C11orf71: variants seen among roughly 807,000 people sequenced by gnomAD.
C11orf71 encodes the protein chromosome 11 open reading frame 71.
For synonymous variants in C11orf71, 72 were observed against 73.4 expected, an observed-to-expected ratio of 0.98 and a Z score of 0.09; for missense variants, 179 against 167.6, an observed-to-expected ratio of 1.07 and a Z score of -0.38.
At chr11:114,394,211 T>C (rs558157156), downstream of C11orf71, among the ~76,000 whole-genome samples, 1 of 58,566 alleles carries the variant, frequency 1.7e-5, no homozygotes, top group African/African-American at 1.1e-4. Flanking sequence ...TTCTTTTCTT[T>C]TCTTTTCTTT....
rs1388863241 is a variant in C11orf71 at position 114,399,634 on chromosome 11, A to C, written c.*326T>G. On this transcript the variant is annotated 3_prime_UTR_variant, in exon 1 of 1. Coordinates refer to ENST00000623205, the MANE Select transcript of C11orf71 (RefSeq NM_001271562.2). ...AAAGGAGCACTTCTTTTTCGCCAAC[A>C]GAAGTAAAGGTAAAGGTTAAGTGTC... 1 of 244,782 alleles carries C rather than the reference A, an allele frequency of 4.1e-6. No individual in the cohort carries two copies. Among genetic ancestry groups the C allele is most frequent in the Non-Finnish European group, 7.9e-6 (1 of 126,390 alleles). 15.2% of individuals were successfully genotyped at this position (244,782 alleles called of 1,614,324 possible).
exon 2 of C11orf71, chr11:114,391,517 C>T: frequency 8.8e-7 from 1 of 1,130,534 alleles, no homozygotes; most frequent in Non-Finnish European, 1.2e-6. Flanking sequence ...AATTTCATAT[C>T]CAATTTTTAT....
downstream of C11orf71, among the ~76,000 whole-genome samples, chr11:114,394,246 TCTTTTCTTTTCTTTTC>T (rs1565256595): frequency 4.0e-3 from 255 of 63,392 alleles, 18 homozygotes; most frequent in African/African-American, 0.028. Context: ...TCTTTTCTTT[TCTTTTCTTTTCTTTTC>T]TTTTCTTTTC....
chr11:114,396,066 T>C (rs2135341557), downstream of C11orf71, among the ~76,000 whole-genome samples: 1 of 152,262 alleles, frequency 6.6e-6, no homozygotes, highest in South Asian at 2.1e-4. Context: ...ACTCCTAAAA[T>C]TCTGGAAGCT....
At chr11:114,394,228 CTTTCT>C (rs368913754), downstream of C11orf71, among the ~76,000 whole-genome samples, 649 of 48,554 alleles carry the variant, frequency 0.013, 15 homozygotes, top group Non-Finnish European at 0.018. Context: ...CTTTTCTTTT[CTTTCT>C]TTTCTTTTCT....
Position 114,400,008 on chromosome 11 carries a change from C to T in C11orf71, c.324G>A (p.Gln108=), listed in dbSNP as rs1233340279. Residue 108 remains glutamine (Q), a synonymous_variant, in exon 1 of 1, where the codon CAG becomes CAA. Transcript: ENST00000623205. ...TAACACCTCCTAATGCAATCAAACG[C>T]TGTTGCAGCACACTTCTTAGGAGAT... ...EPDLLRSVLQ[Q]RLIALGGVIA... The T allele has an allele frequency of 6.2e-7, 1 of 1,613,534 alleles. No homozygotes were observed. Among genetic ancestry groups the T allele is most frequent in the Non-Finnish European group, 8.5e-7 (1 of 1,179,472 alleles).
At chr11:114,398,295 T>A (rs77946495), downstream of C11orf71, among the ~76,000 whole-genome samples, 2 of 152,238 alleles carry the variant, frequency 1.3e-5, no homozygotes, top group Admixed American at 6.5e-5. Context: ...TGAAAAAAAA[T>A]TAGTTATATA....
At chr11:114,394,058 C>A (rs926746716), downstream of C11orf71, among the ~76,000 whole-genome samples, 1 of 151,922 alleles carries the variant, frequency 6.6e-6, no homozygotes, top group East Asian at 1.9e-4. Context: ...AGGCTCCCTG[C>A]AAGCTCCGCC....
downstream of C11orf71, among the ~76,000 whole-genome samples, chr11:114,394,310 T>TTCTCTTA (rs1463193939): frequency 1.4e-5 from 2 of 143,582 alleles, no homozygotes; most frequent in Admixed American, 7.3e-5. Context: ...TTCTTTTCTT[T>TTCTCTTA]TTGAGACGGA....
At chr11:114,396,541 A>G (rs1326648604), downstream of C11orf71, among the ~76,000 whole-genome samples, 1 of 152,264 alleles carries the variant, frequency 6.6e-6, no homozygotes, top group Admixed American at 6.5e-5. Flanking sequence ...CAAAGAAAAC[A>G]GGCTACATGT....
downstream of C11orf71, among the ~76,000 whole-genome samples, chr11:114,394,294 T>TCTTTTCTTTTCTC (rs1449247620): frequency 7.2e-5 from 3 of 41,772 alleles, no homozygotes; most frequent in East Asian, 8.1e-4. Context: ...TTTCTCTTAT[T>TCTTTTCTTTTCTC]TTCTTTTCTT....
At chr11:114,395,235 C>T (rs990611315), downstream of C11orf71, among the ~76,000 whole-genome samples, 2 of 152,194 alleles carry the variant, frequency 1.3e-5, no homozygotes, top group African/African-American at 2.4e-5. Flanking sequence ...GTGCCCTCTG[C>T]CTTCCCAGCT....
In C11orf71 at chr11:114,400,006, C is replaced by T. The variant is rs1348090152; in HGVS notation, c.326G>A (p.Arg109His). ...PDLLRSVLQQ[R>H]LIALGGVIAA... ...GATAACACCTCCTAATGCAATCAAA[C>T]GCTGTTGCAGCACACTTCTTAGGAG... The change falls in exon 1 of 1, where the codon CGT (arginine) becomes CAT (histidine). Residue 109 changes from arginine to histidine, a missense_variant. Transcript: ENST00000623205. The T allele has an allele frequency of 1.9e-6, 3 of 1,612,992 alleles. No homozygotes were observed. The African/African-American group carries it at 4.0e-5, about 22-fold the overall frequency.
In C11orf71 at chr11:114,400,099, G is replaced by A. The variant is rs866925114; in HGVS notation, c.233C>T (p.Pro78Leu). 2.5e-6 allele frequency: 4 copies of A among 1,613,512 alleles called. No individual in the cohort carries two copies. In the African/African-American group the frequency reaches 4.0e-5, roughly 16 times the overall value. ...TTGGCGGCTCCGGCCCCGGCCATCT[G>A]GTTCCCTTGGGCTCCGGCCGCCACC... Reference protein sequence around the residue: ...VDGGGRSPREPDGRGRSRQAR... With the variant: ...VDGGGRSPRELDGRGRSRQAR... Residue 78 changes from proline (P) to leucine (L), a missense_variant, in exon 1 of 1, where the codon CCA becomes CTA. By Grantham distance (98) the Pro-to-Leu change is moderately conservative. Transcript: ENST00000623205.
intron 1 of C11orf71, among the ~76,000 whole-genome samples, chr11:114,392,453 A>T (rs1946079751): frequency 7.0e-6 from 1 of 143,526 alleles, no homozygotes; most frequent in Non-Finnish European, 1.5e-5. Context: ...CAGGAGAATC[A>T]CTGGAACCCG....
downstream of C11orf71, among the ~76,000 whole-genome samples, chr11:114,397,202 A>G (rs776686741): frequency 3.3e-5 from 5 of 152,366 alleles, no homozygotes; most frequent in South Asian, 2.1e-4. Context: ...TTACAGAAGT[A>G]TAATTGTTTG....
intron 1 of C11orf71, among the ~76,000 whole-genome samples, chr11:114,392,587 T>A (rs1466798760): frequency 7.0e-6 from 1 of 143,752 alleles, no homozygotes; most frequent in Non-Finnish European, 1.5e-5. Flanking sequence ...AAACATTAGC[T>A]GGGTATGGTG....
At chr11:114,394,174 G>GTTTCTTTTCTTTTCT (rs1187890536), downstream of C11orf71, among the ~76,000 whole-genome samples, 407 of 77,508 alleles carry the variant, frequency 5.3e-3, 55 homozygotes, top group African/African-American at 8.4e-3. Context: ...TAGAGACGGG[G>GTTTCTTTTCTTTTCT]TTTCGTTTCT....
chr11:114,400,365 C>A lies in C11orf71; in HGVS notation c.-34G>T. 1 of 1,563,246 alleles carries A rather than the reference C, an allele frequency of 6.4e-7. No individual in the cohort carries two copies. The highest frequency in any genetic ancestry group is 1.2e-5 in the South Asian group (1 of 83,198). ...ACTGCCCGCAGTACTTGCGTTACGT[C>A]CCTTTGTGAAGGCAGGCCCTTCGCG... On this transcript the variant is annotated 5_prime_UTR_variant, in exon 1 of 1. Coordinates refer to ENST00000623205, the MANE Select transcript of C11orf71 (RefSeq NM_001271562.2).
Sources: gnomAD v4.1 joint callset for allele counts (sites outside exome capture counted in the v4.1 genomes callset) on GRCh38, gnomAD v4.1.1 for gene constraint, MANE v1.5 for transcripts, NCBI Gene and HGNC (gene_info 2026-07-23, HGNC 2026-07-21) for gene names.